The following DOCK3 variants were observed in gnomAD, a reference collection of about 807,000 sequenced individuals.
The protein encoded by DOCK3 is dedicator of cytokinesis protein 3.
In DOCK3, 60 loss-of-function variants were observed where a neutral mutation model predicts 265.6. The observed-to-expected ratio is 0.23, with a 90% CI of 0.18 to 0.28. The LOEUF (loss-of-function observed/expected upper bound fraction) is 0.28. Ranked by LOEUF, DOCK3 falls within the 10% of genes least tolerant of loss-of-function variation. The pLI is 1.00. For missense variants in DOCK3, 1,981 were observed against 2,594.3 expected (o/e 0.76, Z 5.14); for synonymous variants, 881 against 938.0 (o/e 0.94, Z 1.11).
intron 1 of DOCK3, among the ~76,000 whole-genome samples, chr3:50,778,195 T>A (rs1336188450): frequency 6.6e-6 from 1 of 152,160 alleles, no homozygotes; most frequent in Non-Finnish European, 1.5e-5. Flanking sequence ...CTGTTGTGCA[T>A]ATGCTTTCTA....
intron 5 of DOCK3, among the ~76,000 whole-genome samples, chr3:50,956,908 G>C (rs2108354951): frequency 6.6e-6 from 1 of 151,964 alleles, no homozygotes; most frequent in East Asian, 1.9e-4. Flanking sequence ...TGTCGCCCAG[G>C]CTGGAGTGCA....
At chr3:50,701,116 T>C (rs2036008433) in intron 1 of DOCK3, among the ~76,000 whole-genome samples, 1 of 151,102 alleles carries the variant, frequency 6.6e-6, no homozygotes, top group South Asian at 2.1e-4. Flanking sequence ...TACAGATCCT[T>C]TGTGGCCCTT....
rs74610908 is a variant in DOCK3 at position 50,981,680 on chromosome 3, C to G, written c.315+47603C>G. On this transcript the variant is annotated intron_variant, in intron 5 of 52. Transcript: ENST00000266037. The stretch of plus-strand genomic sequence containing the variant: ...TATATCCTCCTGCTGAACTGACCCC[C>G]TTTTCATTGTGTAATGACTTTCTTT... Among the ~76,000 whole-genome samples, 753 of 152,252 alleles carry G rather than the reference C, an allele frequency of 4.9e-3. 43 individuals carry two copies. In the East Asian group the frequency reaches 0.12, roughly 24 times the overall value.
At chr3:51,377,060 GA>G (rs763973595) in intron 51 of DOCK3, among the ~76,000 whole-genome samples, 7 of 152,252 alleles carry the variant, frequency 4.6e-5, no homozygotes, top group Non-Finnish European at 2.9e-5. Context: ...CAAGAGTCTA[GA>G]CAGGCTTAGA....
intron 5 of DOCK3, among the ~76,000 whole-genome samples, chr3:51,056,527 C>T (rs1464187690): frequency 3.3e-5 from 5 of 152,136 alleles, no homozygotes; most frequent in Non-Finnish European, 7.4e-5. Flanking sequence ...GGATTACAGG[C>T]GTGAGCCACT....
chr3:50,850,146 C>T (rs146044884), intron 3 of DOCK3, among the ~76,000 whole-genome samples: 24 of 151,530 alleles, frequency 1.6e-4, no homozygotes, highest in African/African-American at 4.1e-4. Flanking sequence ...TTTGGGAGGC[C>T]GAGGCGGGTG....
intron 5 of DOCK3, among the ~76,000 whole-genome samples, chr3:51,000,316 G>A (rs1225497854): frequency 1.3e-5 from 2 of 152,152 alleles, no homozygotes; most frequent in East Asian, 3.9e-4. Flanking sequence ...TTGTGGCAGC[G>A]TTTCAGGTAT....
intron 22 of DOCK3, 24 bp from the exon 23 acceptor site, chr3:51,260,132 C>T (rs768441687): frequency 3.1e-6 from 5 of 1,603,352 alleles, no homozygotes; most frequent in Non-Finnish European, 4.3e-6. Context: ...ATCTCTCCAT[C>T]ACTTTTTCTC....
chr3:51,124,486 T>C (rs1006429013), intron 9 of DOCK3, among the ~76,000 whole-genome samples: 1 of 152,168 alleles, frequency 6.6e-6, no homozygotes, highest in Admixed American at 6.5e-5. Flanking sequence ...CCTGGTGGGC[T>C]GAATGATCTG....
intron 1 of DOCK3, among the ~76,000 whole-genome samples, chr3:50,752,128 A>G (rs1197383248): frequency 2.0e-5 from 3 of 152,174 alleles, no homozygotes; most frequent in African/African-American, 4.8e-5. Flanking sequence ...AAGGTTGTCA[A>G]ATAGAAAATA....
At chr3:51,043,511 A>G (rs1419193929) in intron 5 of DOCK3, among the ~76,000 whole-genome samples, 1 of 152,210 alleles carries the variant, frequency 6.6e-6, no homozygotes, top group Non-Finnish European at 1.5e-5. Flanking sequence ...AATACCATTC[A>G]GAATATAGGC....
At chr3:50,969,674 G>A (rs911883652) in intron 5 of DOCK3, among the ~76,000 whole-genome samples, 2 of 152,046 alleles carry the variant, frequency 1.3e-5, no homozygotes, top group African/African-American at 4.8e-5. Flanking sequence ...CTGATCTAGT[G>A]GTGATTAATT....
intron 5 of DOCK3, among the ~76,000 whole-genome samples, chr3:51,038,777 A>G (rs1348003529): frequency 1.3e-5 from 2 of 151,800 alleles, no homozygotes; most frequent in African/African-American, 4.8e-5. Flanking sequence ...ATCCTCTCTA[A>G]TCTTATTTGT....
intron 10 of DOCK3, among the ~76,000 whole-genome samples, chr3:51,149,814 G>A (rs2085489116): frequency 6.6e-6 from 1 of 152,100 alleles, no homozygotes; most frequent in African/African-American, 2.4e-5. Context: ...TTGTTGTTGT[G>A]TCTCTGCCAG....
chr3:50,915,112 G>T (rs1025955329), intron 4 of DOCK3, among the ~76,000 whole-genome samples: 2 of 152,058 alleles, frequency 1.3e-5, no homozygotes, highest in African/African-American at 4.8e-5. Context: ...GGTTTTAGTT[G>T]TAATTCTACT....
chr3:51,347,330 G>A (rs1412015617), intron 38 of DOCK3, among the ~76,000 whole-genome samples: 1 of 152,160 alleles, frequency 6.6e-6, no homozygotes, highest in African/African-American at 2.4e-5. Context: ...GTGTAAGGAA[G>A]GGATCCAGTT....
intron 4 of DOCK3, among the ~76,000 whole-genome samples, chr3:50,928,787 T>C (rs1183605836): frequency 6.6e-6 from 1 of 152,242 alleles, no homozygotes; most frequent in Non-Finnish European, 1.5e-5. Flanking sequence ...CAGTGTATGA[T>C]GGTTTGCCTT....
At chr3:50,692,573 A>G (rs537418090) in intron 1 of DOCK3, among the ~76,000 whole-genome samples, 65 of 152,276 alleles carry the variant, frequency 4.3e-4, no homozygotes, top group African/African-American at 1.5e-3. Flanking sequence ...CCACAGATTG[A>G]TATTAATTTG....
chr3:51,004,809 A>G (rs2078620804), intron 5 of DOCK3, among the ~76,000 whole-genome samples: 1 of 148,148 alleles, frequency 6.8e-6, no homozygotes, highest in African/African-American at 2.5e-5. Context: ...ATGACTTACT[A>G]TATAGTTATA....
Sources: gnomAD v4.1 joint callset for allele counts (sites outside exome capture counted in the v4.1 genomes callset) on GRCh38, gnomAD v4.1.1 for gene constraint, MANE v1.5 for transcripts, NCBI Gene and HGNC (gene_info 2026-07-23, HGNC 2026-07-21) for gene names.